The following KANK1 variants were observed in gnomAD, a reference collection of about 807,000 sequenced individuals.
KANK1 encodes the protein KN motif and ankyrin repeat domain-containing protein 1.
In KANK1, 109 loss-of-function variants were observed where a neutral mutation model predicts 106.2. The ratio of observed to expected loss-of-function variants is 1.03; its 90% confidence interval spans 0.88 to 1.20. The LOEUF (loss-of-function observed/expected upper bound fraction) is 1.20, where lower values mean the gene tolerates loss of function less well. KANK1 is among the 50% of genes most tolerant of loss of function. The probability of loss-of-function intolerance (pLI) is 0.00; values close to 1 mark genes in which losing one functional copy is unlikely to be tolerated. For synonymous variants in KANK1, 873 were observed against 652.2 expected (o/e 1.34, Z -5.16); for missense variants, 2,399 against 1,710.7 (o/e 1.40, Z -7.10).
chr9:709,410 T>A (rs1825278333), intron 2 of KANK1, among the ~76,000 whole-genome samples: 1 of 152,156 alleles, frequency 6.6e-6, no homozygotes, highest in Non-Finnish European at 1.5e-5. Flanking sequence ...GGCAGCCCAG[T>A]CTGCAAAAGA....
At chr9:637,733 G>A (rs1242630315) in intron 1 of KANK1, among the ~76,000 whole-genome samples, 3 of 152,138 alleles carry the variant, frequency 2.0e-5, no homozygotes, top group African/African-American at 7.2e-5. Flanking sequence ...TTAGGGAGGT[G>A]CTTGTCAGAT....
At chr9:673,272 G>A (rs1815630639) in intron 1 of KANK1, among the ~76,000 whole-genome samples, 2 of 146,446 alleles carry the variant, frequency 1.4e-5, no homozygotes, top group Admixed American at 6.9e-5. Flanking sequence ...ATGCAGTGGC[G>A]TGATCTCGGC....
chr9:605,638 C>A (rs1310670281), intron 1 of KANK1, among the ~76,000 whole-genome samples: 2 of 151,678 alleles, frequency 1.3e-5, no homozygotes, highest in Non-Finnish European at 2.9e-5. Context: ...TAGCAAGAGA[C>A]CCAAATGATG....
chr9:673,461 C>G (rs184151198), intron 1 of KANK1: 5 of 152,378 alleles, frequency 3.3e-5, no homozygotes, highest in African/African-American at 1.2e-4. Flanking sequence ...CCACCCACCT[C>G]GGCCTCCCAA....
intron 1 of KANK1, among the ~76,000 whole-genome samples, chr9:583,532 A>G (rs1291086155): frequency 6.6e-6 from 1 of 152,098 alleles, no homozygotes; most frequent in South Asian, 2.1e-4. Context: ...GCTTAATATT[A>G]GTATCCTTCT....
rs73370851 is a variant in KANK1, at chr9:668,872, A to G, written c.-83-8018A>G. 8.2e-3 allele frequency among the ~76,000 whole-genome samples: 1,241 copies of G among 152,026 alleles called. 29 individuals are homozygous for G. The highest frequency in any genetic ancestry group is 0.029 in the African/African-American group (1,181 of 41,430). On this transcript the variant is annotated intron_variant, in intron 1 of 11. Transcript: ENST00000382297. ...ATTAGATCCTCATAAGGAACGCTCA[A>G]CCTAGATCCTTCGCACTTGCAGTTC...
rs1462673824 is a variant in KANK1, at chr9:604,056, G to T, written c.-83-72834G>T. ...CACTTTATGTTTGGGGAGGAGAATG[G>T]AGTGTCAGTGATTTCAGCAAAAAGT... On this transcript the variant is annotated intron_variant, in intron 1 of 11. Transcript: ENST00000382297. 2.0e-5 allele frequency among the ~76,000 whole-genome samples: 3 copies of T among 151,520 alleles called. 1 individual carries two copies. The highest frequency in any genetic ancestry group is 4.4e-5 in the Non-Finnish European group (3 of 68,006).
chr9:669,076 A>G (rs1845322153), intron 1 of KANK1, among the ~76,000 whole-genome samples: 1 of 152,132 alleles, frequency 6.6e-6, no homozygotes, highest in Non-Finnish European at 1.5e-5. Context: ...AAACTTTAAA[A>G]CAACCCTCCA....
At chr9:497,451 C>A (rs922393529) in intron 3 of KANK1, among the ~76,000 whole-genome samples, 1 of 151,560 alleles carries the variant, frequency 6.6e-6, no homozygotes, top group Non-Finnish European at 1.5e-5. Context: ...CACACACTCA[C>A]ACTCACACTC....
chr9:524,199 G>T (rs1434777140), intron 1 of KANK1, among the ~76,000 whole-genome samples: 1 of 151,812 alleles, frequency 6.6e-6, no homozygotes, highest in East Asian at 1.9e-4. Context: ...ATGCTCAGTT[G>T]TGAAAGTGAT....
chr9:631,784 T>C (rs1835808137), intron 1 of KANK1, among the ~76,000 whole-genome samples: 1 of 152,230 alleles, frequency 6.6e-6, no homozygotes, highest in Admixed American at 6.5e-5. Context: ...CCTTTGCATC[T>C]GCTCTGGGTG....
At chr9:725,581 A>G (rs759820329) in intron 3 of KANK1, among the ~76,000 whole-genome samples, 6 of 151,746 alleles carry the variant, frequency 4.0e-5, no homozygotes, top group Non-Finnish European at 7.4e-5. Flanking sequence ...CTATAGCGTC[A>G]TTGTTTTAAA....
intron 2 of KANK1, among the ~76,000 whole-genome samples, chr9:695,930 G>A (rs966701000): frequency 2.0e-5 from 3 of 152,132 alleles, no homozygotes; most frequent in African/African-American, 4.8e-5. Context: ...TAGATGTGGG[G>A]CTTTACACTT....
chr9:554,681 G>GTTAA (rs1167057991), intron 1 of KANK1, among the ~76,000 whole-genome samples: 1 of 152,178 alleles, frequency 6.6e-6, no homozygotes, highest in Non-Finnish European at 1.5e-5. Flanking sequence ...AGAGAACGAT[G>GTTAA]TTAACATCAC....
At chr9:518,151 A>G (rs1459162357) in intron 1 of KANK1, among the ~76,000 whole-genome samples, 2 of 151,818 alleles carry the variant, frequency 1.3e-5, no homozygotes, top group African/African-American at 4.9e-5. Flanking sequence ...AGGAGGAAAC[A>G]CTGCTAAAGG....
chr9:733,629 T>C (rs1258778433), intron 6 of KANK1: 1 of 151,976 alleles, frequency 6.6e-6, no homozygotes, highest in Admixed American at 6.6e-5. Context: ...TACAAAAATA[T>C]CAATTACCTG....
At chr9:706,568 C>CTT (rs71314729) in intron 2 of KANK1, among the ~76,000 whole-genome samples, 3,494 of 137,996 alleles carry the variant, frequency 0.025, 88 homozygotes, top group African/African-American at 0.07. Flanking sequence ...CTGTATGTGG[C>CTT]TTTTTTTTTT....
intron 3 of KANK1, among the ~76,000 whole-genome samples, chr9:716,915 T>G (rs1463127600): frequency 2.0e-5 from 3 of 150,988 alleles, no homozygotes; most frequent in African/African-American, 7.3e-5. Flanking sequence ...GAGGTTGATT[T>G]GAGGCTGCAG....
At chr9:683,420 G>T (rs111726200) in intron 2 of KANK1, among the ~76,000 whole-genome samples, 105 of 152,260 alleles carry the variant, frequency 6.9e-4, no homozygotes, top group African/African-American at 2.4e-3. Flanking sequence ...AGAACTAAAA[G>T]GGTGTGTTTC....
Sources: gnomAD v4.1 joint callset for allele counts (sites outside exome capture counted in the v4.1 genomes callset) on GRCh38, gnomAD v4.1.1 for gene constraint, MANE v1.5 for transcripts, NCBI Gene and HGNC (gene_info 2026-07-23, HGNC 2026-07-21) for gene names.